The following FRMD6 variants were observed in gnomAD, a reference collection of about 807,000 sequenced individuals.
FRMD6 encodes the protein FERM domain containing 6, also known as FERM domain-containing protein 6.
FRMD6 carries 37 observed loss-of-function variants against 73.2 expected under a neutral mutation model. The observed-to-expected ratio is 0.51, with a 90% confidence interval of 0.39 to 0.66. The LOEUF (loss-of-function observed/expected upper bound fraction) is 0.66. Ranked by LOEUF, FRMD6 falls within the 30% of genes least tolerant of loss-of-function variation. The pLI, the probability that FRMD6 is intolerant of heterozygous loss-of-function variation, is 0.00. For missense variants in FRMD6, 714 were observed against 780.5 expected (o/e 0.91, Z 1.02); for synonymous variants, 273 against 282.2 (o/e 0.97, Z 0.33).
intron 1 of FRMD6, among the ~76,000 whole-genome samples, chr14:51,499,006 C>T (rs1314894728): frequency 2.0e-5 from 3 of 152,208 alleles, no homozygotes. Context: ...AAAGATTCCA[C>T]CCATGCTTGC....
At chr14:51,630,333 G>C (rs1441479666) in intron 2 of FRMD6, among the ~76,000 whole-genome samples, 3 of 152,132 alleles carry the variant, frequency 2.0e-5, no homozygotes, top group African/African-American at 7.2e-5. Context: ...CACAGGCACA[G>C]AGTGTAGGCA....
chr14:51,592,295 AGGAT>A (rs1418644814), intron 2 of FRMD6, among the ~76,000 whole-genome samples: 2 of 152,206 alleles, frequency 1.3e-5, no homozygotes, highest in African/African-American at 4.8e-5. Flanking sequence ...AAATATTGTT[AGGAT>A]GCCTTGTTGC....
chr14:51,447,264 G>C, the FRMD6 span, among the ~76,000 whole-genome samples: 2 of 152,116 alleles, frequency 1.3e-5, no homozygotes, highest in African/African-American at 2.4e-5. Flanking sequence ...ACCTTCTCAG[G>C]CTTAGAATTC....
In FRMD6 at chr14:51,589,796, T is replaced by C. The variant is rs886939500; in HGVS notation, c.-147+19386T>C. 2.0e-5 allele frequency among the ~76,000 whole-genome samples: 3 copies of C among 152,192 alleles called. No individual in the cohort carries two copies. In the South Asian group the frequency reaches 6.2e-4, roughly 31 times the overall value. ...ATGATCACGTAAATGAGGCTGTGCA[T>C]GGTGGCTCACGCCTGTAATCCCAGT... On this transcript the variant is annotated intron_variant, in intron 2 of 14. Transcript: ENST00000356218.
the FRMD6 span, among the ~76,000 whole-genome samples, chr14:51,451,899 C>G: frequency 6.6e-6 from 1 of 152,316 alleles, no homozygotes; most frequent in East Asian, 1.9e-4. Flanking sequence ...AACTGCCCAG[C>G]TTTGGGTATC....
the FRMD6 span, among the ~76,000 whole-genome samples, chr14:51,472,590 T>A: frequency 2.0e-5 from 3 of 152,080 alleles, no homozygotes; most frequent in East Asian, 3.9e-4. Flanking sequence ...GGTGTGAGCC[T>A]CCGCACCCAG....
chr14:51,710,388 C>G (rs1292220625), intron 7 of FRMD6, among the ~76,000 whole-genome samples: 1 of 152,072 alleles, frequency 6.6e-6, no homozygotes, highest in Non-Finnish European at 1.5e-5. Flanking sequence ...TGCCCCTTTC[C>G]CACCAATATA....
chr14:51,655,912 A>G (rs1012295788), intron 1 of FRMD6, among the ~76,000 whole-genome samples: 1 of 152,212 alleles, frequency 6.6e-6, no homozygotes, highest in African/African-American at 2.4e-5. Context: ...CGTACACTCC[A>G]AAAGCCACTT....
intron 1 of FRMD6, among the ~76,000 whole-genome samples, chr14:51,668,516 G>A (rs1193929459): frequency 6.6e-6 from 1 of 151,952 alleles, no homozygotes; most frequent in African/African-American, 2.4e-5. Flanking sequence ...ATGATGGCCG[G>A]GCTGGTCTTG....
the FRMD6 span, among the ~76,000 whole-genome samples, chr14:51,460,362 AG>A: frequency 6.6e-6 from 1 of 152,218 alleles, no homozygotes; most frequent in Non-Finnish European, 1.5e-5. Context: ...CTTCCCATTC[AG>A]GGACTTTGCA....
chr14:51,468,097 C>G, the FRMD6 span, among the ~76,000 whole-genome samples: 2 of 151,938 alleles, frequency 1.3e-5, no homozygotes, highest in Non-Finnish European at 2.9e-5. Context: ...GAGACCAGCC[C>G]GGCCAATACG....
intron 1 of FRMD6, among the ~76,000 whole-genome samples, chr14:51,565,657 G>A (rs747398751): frequency 3.3e-5 from 5 of 152,024 alleles, no homozygotes; most frequent in Non-Finnish European, 5.9e-5. Context: ...ACAATGCCAC[G>A]GTAAATATGG....
chr14:51,537,386 T>C (rs1221199624), intron 1 of FRMD6, among the ~76,000 whole-genome samples: 1 of 152,192 alleles, frequency 6.6e-6, no homozygotes, highest in Non-Finnish European at 1.5e-5. Context: ...GACCACAGTT[T>C]TTATTTATCC....
At chr14:51,686,478 A>G (rs1895158094) in intron 1 of FRMD6, among the ~76,000 whole-genome samples, 2 of 152,308 alleles carry the variant, frequency 1.3e-5, no homozygotes, top group South Asian at 4.1e-4. Context: ...GGGACTTATC[A>G]GGAAATAAGG....
intron 1 of FRMD6, among the ~76,000 whole-genome samples, chr14:51,560,117 A>C (rs913033082): frequency 6.6e-6 from 1 of 152,184 alleles, no homozygotes; most frequent in Admixed American, 6.5e-5. Flanking sequence ...TCTGCAATAC[A>C]TTTATGGACA....
intron 2 of FRMD6, among the ~76,000 whole-genome samples, chr14:51,641,868 T>C (rs1891826733): frequency 6.6e-6 from 1 of 152,122 alleles, no homozygotes; most frequent in Non-Finnish European, 1.5e-5. Flanking sequence ...GCTTTCCCCA[T>C]AAAGCTGTGA....
intron 1 of FRMD6, among the ~76,000 whole-genome samples, chr14:51,685,507 T>G (rs1054359341): frequency 6.6e-6 from 1 of 152,212 alleles, no homozygotes; most frequent in African/African-American, 2.4e-5. Context: ...CAGACAGGTG[T>G]TGAATGAAAG....
chr14:51,706,225 C>T (rs1438738472), intron 6 of FRMD6, among the ~76,000 whole-genome samples: 2 of 152,110 alleles, frequency 1.3e-5, no homozygotes, highest in African/African-American at 4.8e-5. Flanking sequence ...AAATTATCTT[C>T]TATTTTTATT....
At chr14:51,628,453 T>TCAATCCCCATTC (rs1357199671) in intron 2 of FRMD6, among the ~76,000 whole-genome samples, 2 of 152,126 alleles carry the variant, frequency 1.3e-5, no homozygotes, top group Non-Finnish European at 2.9e-5. Flanking sequence ...CCTGTTTCAA[T>TCAATCCCCATTC]CAATCCCCAT....
Sources: gnomAD v4.1 joint callset for allele counts (sites outside exome capture counted in the v4.1 genomes callset) on GRCh38, gnomAD v4.1.1 for gene constraint, MANE v1.5 for transcripts, NCBI Gene and HGNC (gene_info 2026-07-23, HGNC 2026-07-21) for gene names.